Variants in SLC25A21 observed in about 807,000 individuals in gnomAD.
SLC25A21 encodes mitochondrial 2-oxodicarboxylate carrier.
Under a neutral mutation model 43.8 loss-of-function variants are expected in SLC25A21, and 47 were observed. The ratio of observed to expected loss-of-function variants is 1.07; its 90% CI spans 0.85 to 1.37. The LOEUF (loss-of-function observed/expected upper bound fraction) is 1.37, where lower values mean the gene tolerates loss of function less well. Among genes scored for constraint, SLC25A21 ranks in the 40% most tolerant of loss-of-function variants. SLC25A21 has a pLI of 0.00. For missense variants in SLC25A21, 352 were observed against 350.2 expected, an observed-to-expected ratio of 1.00 and a Z score of -0.04; for synonymous variants, 131 against 121.3, an observed-to-expected ratio of 1.08 and a Z score of -0.52.
At chr14:36,976,621 T>G (rs1417766865) in intron 1 of SLC25A21, among the ~76,000 whole-genome samples, 1 of 152,124 alleles carries the variant, frequency 6.6e-6, no homozygotes, top group Non-Finnish European at 1.5e-5. Context: ...CTCTCACCTC[T>G]CTTAGTACCA....
intron 1 of SLC25A21, among the ~76,000 whole-genome samples, chr14:37,154,228 T>A (rs1211543072): frequency 6.6e-6 from 1 of 152,092 alleles, no homozygotes; most frequent in Non-Finnish European, 1.5e-5. Flanking sequence ...ACTCCACTAA[T>A]AATTGCACCC....
chr14:37,044,328 C>T (rs1165218977), intron 1 of SLC25A21, among the ~76,000 whole-genome samples: 1 of 151,992 alleles, frequency 6.6e-6, no homozygotes, highest in Non-Finnish European at 1.5e-5. Context: ...TATAAAATTA[C>T]ATAAAAGAAA....
intron 1 of SLC25A21, among the ~76,000 whole-genome samples, chr14:36,916,959 C>A (rs1172282809): frequency 6.6e-6 from 1 of 152,066 alleles, no homozygotes; most frequent in African/African-American, 2.4e-5. Flanking sequence ...TCCTAGATGT[C>A]CTTGCTCTTT....
chr14:37,073,593 A>C (rs1471907583), intron 1 of SLC25A21, among the ~76,000 whole-genome samples: 1 of 152,032 alleles, frequency 6.6e-6, no homozygotes, highest in Non-Finnish European at 1.5e-5. Flanking sequence ...ATTTTATGTA[A>C]TTTAACTCTC....
At chr14:37,151,316 C>T (rs1043945007) in intron 1 of SLC25A21, among the ~76,000 whole-genome samples, 2 of 152,142 alleles carry the variant, frequency 1.3e-5, no homozygotes, top group African/African-American at 2.4e-5. Context: ...GTTAACAATA[C>T]GTGAGGGTGG....
chr14:37,114,195 T>C (rs974896373), intron 1 of SLC25A21, among the ~76,000 whole-genome samples: 3 of 152,206 alleles, frequency 2.0e-5, no homozygotes, highest in Non-Finnish European at 4.4e-5. Flanking sequence ...TGCATTCCTC[T>C]AAATATATTG....
intron 1 of SLC25A21, among the ~76,000 whole-genome samples, chr14:37,082,339 T>C (rs1962404003): frequency 6.6e-6 from 1 of 152,168 alleles, no homozygotes; most frequent in Non-Finnish European, 1.5e-5. Context: ...TATCATGCAA[T>C]ATTCCCATGT....
intron 1 of SLC25A21, among the ~76,000 whole-genome samples, chr14:37,027,976 T>C (rs17105996): frequency 2.0e-3 from 307 of 152,324 alleles, no homozygotes; most frequent in African/African-American, 6.8e-3. Flanking sequence ...AAGACATAAT[T>C]ACATGATACA....
intron 2 of SLC25A21, among the ~76,000 whole-genome samples, chr14:36,845,673 T>C (rs971473918): frequency 6.6e-6 from 1 of 152,250 alleles, no homozygotes; most frequent in Non-Finnish European, 1.5e-5. Flanking sequence ...CAAACTATCA[T>C]TTTTGCCTCA....
At chr14:36,899,168 T>C (rs772614180) in intron 1 of SLC25A21, among the ~76,000 whole-genome samples, 9 of 152,102 alleles carry the variant, frequency 5.9e-5, no homozygotes, top group African/African-American at 7.2e-5. Flanking sequence ...GGCAGTAGAA[T>C]TGCTTCAGGC....
intron 1 of SLC25A21, among the ~76,000 whole-genome samples, chr14:36,956,615 T>C (rs1959347795): frequency 2.6e-5 from 4 of 152,228 alleles, no homozygotes. Flanking sequence ...ATATCTACTT[T>C]AAATAGCTGG....
At chr14:36,961,135 A>G (rs1321564268) in intron 1 of SLC25A21, among the ~76,000 whole-genome samples, 1 of 152,180 alleles carries the variant, frequency 6.6e-6, no homozygotes, top group African/African-American at 2.4e-5. Context: ...GCCCACCCCC[A>G]GAGCATCTGA....
chr14:37,034,077 C>T (rs144260708), intron 1 of SLC25A21, among the ~76,000 whole-genome samples: 9,111 of 151,612 alleles, frequency 0.06, 736 homozygotes, highest in East Asian at 0.26. Context: ...AGTGCAGTGG[C>T]GCAATCTCGG....
chr14:37,113,383 G>T (rs1040345119), intron 1 of SLC25A21, among the ~76,000 whole-genome samples: 1 of 152,154 alleles, frequency 6.6e-6, no homozygotes, highest in Non-Finnish European at 1.5e-5. Flanking sequence ...AAAATAAAGA[G>T]TGATACAGTA....
At chr14:37,117,383 TA>T (rs1202308553) in intron 1 of SLC25A21, among the ~76,000 whole-genome samples, 9 of 152,200 alleles carry the variant, frequency 5.9e-5, no homozygotes, top group Admixed American at 4.6e-4. Flanking sequence ...AAGTGTTTTG[TA>T]TGTTGGAAAT....
rs111347683 is a variant in SLC25A21, at chr14:36,868,554, C to T, written c.119+6402G>A. On this transcript the variant is annotated intron_variant, in intron 2 of 9. Coordinates refer to ENST00000331299, the MANE Select transcript of SLC25A21 (RefSeq NM_030631.4). ...TTAAGTGCCACAGTGCCTGGAATCTCGCCATAAAATATGTATCAATGATAA... is the reference window on the plus strand; with the variant it reads ...TTAAGTGCCACAGTGCCTGGAATCTTGCCATAAAATATGTATCAATGATAA... Among the ~76,000 whole-genome samples, 3 of 152,240 alleles carry T rather than the reference C, an allele frequency of 2.0e-5. 1 individual carries two copies. Among genetic ancestry groups the T allele is most frequent in the African/African-American group, 7.2e-5 (3 of 41,562 alleles).
At chr14:37,005,668 T>C (rs1038605924) in intron 1 of SLC25A21, among the ~76,000 whole-genome samples, 8 of 151,952 alleles carry the variant, frequency 5.3e-5, no homozygotes, top group Non-Finnish European at 1.2e-4. Flanking sequence ...ACATATTGTA[T>C]ATCTTTCATG....
At chr14:36,968,098 G>A (rs1466265579) in intron 1 of SLC25A21, among the ~76,000 whole-genome samples, 1 of 152,186 alleles carries the variant, frequency 6.6e-6, no homozygotes, top group Non-Finnish European at 1.5e-5. Context: ...GTACAAAAGT[G>A]CTAGTAGAAG....
chr14:36,690,422 T>A (rs1882747689), intron 7 of SLC25A21, among the ~76,000 whole-genome samples: 1 of 152,198 alleles, frequency 6.6e-6, no homozygotes, highest in African/African-American at 2.4e-5. Context: ...AAGTCAGTTG[T>A]CCAAGATCAC....
Sources: allele counts gnomAD v4.1 joint callset (sites outside exome capture counted in the v4.1 genomes callset), GRCh38; gene constraint gnomAD v4.1.1; transcripts MANE v1.5; gene names NCBI Gene and HGNC (gene_info 2026-07-23, HGNC 2026-07-21).